The following EPG5 variants were observed in gnomAD, a reference collection of about 807,000 sequenced individuals.
EPG5 encodes the protein ectopic P-granules 5 autophagy tethering factor, also known as ectopic P granules protein 5 homolog.
EPG5 carries 159 observed loss-of-function variants against 302.7 expected under a neutral mutation model. The ratio of observed to expected loss-of-function variants is 0.53; its 90% confidence interval spans 0.46 to 0.60. The LOEUF is 0.60. Ranked by LOEUF, EPG5 falls within the 20% of genes least tolerant of loss-of-function variation. The pLI, the probability that EPG5 is intolerant of heterozygous loss-of-function variation, is 0.00. For missense variants in EPG5, 2,896 were observed against 3,092.4 expected (o/e 0.94, Z 1.51); for synonymous variants, 1,158 against 1,136.8 (o/e 1.02, Z -0.37).
intron 22 of EPG5, among the ~76,000 whole-genome samples, chr18:45,911,110 C>CACATATAT (rs1491456763): frequency 2.3e-4 from 29 of 127,970 alleles, no homozygotes; most frequent in African/African-American, 7.8e-4. Context: ...CACACACACA[C>CACATATAT]ATATATATAT....
intron 11 of EPG5, among the ~76,000 whole-genome samples, chr18:45,932,796 C>G (rs1338369395): frequency 6.6e-6 from 1 of 151,946 alleles, no homozygotes; most frequent in African/African-American, 2.4e-5. Context: ...TGATACAGGC[C>G]CTAAGGGAGA....
intron 24 of EPG5, chr18:45,907,430 G>A (rs1301141679): frequency 2.0e-5 from 3 of 152,196 alleles, no homozygotes; most frequent in African/African-American, 7.2e-5. Context: ...TGAGTGCCTG[G>A]GGGAGAACAG....
At chr18:45,922,648 A>G in intron 15 of EPG5, 48 bp from the exon 16 acceptor site, 1 of 1,596,524 alleles carries the variant, frequency 6.3e-7, no homozygotes, top group Non-Finnish European at 8.5e-7. Flanking sequence ...CACAAATTAA[A>G]TCAGTAAGCT....
At chr18:45,923,616 T>C (rs1346828351) in intron 14 of EPG5, among the ~76,000 whole-genome samples, 1 of 152,044 alleles carries the variant, frequency 6.6e-6, no homozygotes, top group Non-Finnish European at 1.5e-5. Context: ...TAACCCCTAC[T>C]CCAGCCAAAA....
At position 45,964,652 on chromosome 18, in the gene EPG5, CA is replaced by C. The variant is rs529751295; in HGVS notation, c.63+2524del. ...TGGATAGTTCTTTACCAACCCAATA[CA>C]ATGCAAAAGCATTTCTTTTAAAAAT... On this transcript the variant is annotated intron_variant, in intron 1 of 43. Transcript: ENST00000282041. 2.0e-4 allele frequency among the ~76,000 whole-genome samples: 31 copies of C among 152,240 alleles called. No individual in the cohort carries two copies. In the South Asian group the frequency reaches 6.4e-3, roughly 32 times the overall value.
chr18:45,888,994 T>C (rs1028169995), intron 28 of EPG5, among the ~76,000 whole-genome samples: 2 of 152,222 alleles, frequency 1.3e-5, no homozygotes, highest in East Asian at 3.8e-4. Flanking sequence ...AGAATAAAGA[T>C]AGCCCTTCCA....
the EPG5 span, among the ~76,000 whole-genome samples, chr18:45,809,754 C>G: frequency 6.6e-6 from 1 of 152,120 alleles, no homozygotes; most frequent in Non-Finnish European, 1.5e-5. Flanking sequence ...GCCCTAAATG[C>G]CCACATCAAA....
At chr18:45,829,097 C>T in the EPG5 span, 5 of 985,858 alleles carry the variant, frequency 5.1e-6, no homozygotes, top group Non-Finnish European at 6.0e-6. Context: ...AGACAGGCTA[C>T]ATCGGGACTC....
rs752571576 is a variant in EPG5 at position 45,858,620 on chromosome 18, T to C, written c.7172A>G (p.Asn2391Ser). 6.2e-6 allele frequency: 10 copies of C among 1,614,066 alleles called. No homozygotes were observed. The African/African-American group carries it at 1.3e-4, about 22-fold the overall frequency. Residue 2391 changes from asparagine to serine, a missense_variant, in exon 41 of 44, where the codon AAT (asparagine) becomes AGT (serine). Coordinates refer to ENST00000282041, the MANE Select transcript of EPG5 (RefSeq NM_020964.3). The part of the protein sequence containing the change: ...QCLNSEQTLR[N>S]EMKVLLILSK... ...TAAGATGAGCAGCACTTTCATTTCA[T>C]TCCTTAAAGTCTGTTCGCTGTTTAA... is the stretch of plus-strand genomic sequence containing the variant.
intron 8 of EPG5, among the ~76,000 whole-genome samples, 185 bp downstream of exon 8, chr18:45,943,820 C>T (rs1599627637): frequency 1.3e-5 from 2 of 152,006 alleles, no homozygotes; most frequent in East Asian, 3.9e-4. Context: ...ACTCGGGAGG[C>T]TGAGGCAGGA....
At chr18:45,961,858 C>CAAA (rs369369860) in intron 1 of EPG5, among the ~76,000 whole-genome samples, 2 of 98,498 alleles carry the variant, frequency 2.0e-5, no homozygotes, top group African/African-American at 3.5e-5. Flanking sequence ...GACTCTGTCC[C>CAAA]AAAAAAAAAA....
chr18:45,936,659 C>T (rs576155538), intron 10 of EPG5, among the ~76,000 whole-genome samples: 132 of 131,976 alleles, frequency 1.0e-3, no homozygotes, highest in African/African-American at 3.5e-3. Flanking sequence ...ACCTGGGAGG[C>T]GGAGGTTACA....
chr18:45,812,819 A>G, the EPG5 span, among the ~76,000 whole-genome samples: 5 of 152,130 alleles, frequency 3.3e-5, no homozygotes, highest in Admixed American at 6.6e-5. Context: ...AAAAACCCTA[A>G]AAGAAAACCT....
chr18:45,876,452 C>G (rs2048973079), intron 34 of EPG5, 110 bp from the exon 35 acceptor site: 9 of 755,636 alleles, frequency 1.2e-5, no homozygotes, highest in Non-Finnish European at 2.1e-5. Flanking sequence ...TTATGTAGGC[C>G]TGACACACAT....
At chr18:45,959,647 C>A (rs1465594970) in intron 1 of EPG5, among the ~76,000 whole-genome samples, 2 of 144,396 alleles carry the variant, frequency 1.4e-5, no homozygotes, top group African/African-American at 2.6e-5. Context: ...GGCAACAGAG[C>A]GAGACTGTCT....
chr18:45,905,036 C>A (rs1469843006), intron 24 of EPG5, among the ~76,000 whole-genome samples: 1 of 152,036 alleles, frequency 6.6e-6, no homozygotes, highest in Non-Finnish European at 1.5e-5. Flanking sequence ...GGAATTTTTT[C>A]ATAATAACAG....
At chr18:45,940,165 G>A (rs2050630122) in intron 9 of EPG5, among the ~76,000 whole-genome samples, 1 of 152,214 alleles carries the variant, frequency 6.6e-6, no homozygotes, top group Non-Finnish European at 1.5e-5. Flanking sequence ...GTCTCTATGA[G>A]AAGAGTGTCC....
intron 42 of EPG5, among the ~76,000 whole-genome samples, chr18:45,856,005 G>A (rs2048509291): frequency 6.6e-6 from 1 of 152,238 alleles, no homozygotes; most frequent in Admixed American, 6.5e-5. Context: ...TCCTCAACAA[G>A]TGAAGCATAG....
intron 3 of EPG5, among the ~76,000 whole-genome samples, chr18:45,951,815 T>C (rs975821281): frequency 6.6e-6 from 1 of 152,142 alleles, no homozygotes; most frequent in African/African-American, 2.4e-5. Flanking sequence ...CCCCAGTTAA[T>C]TGATTAGTTA....
Sources: allele counts gnomAD v4.1 joint callset (sites outside exome capture counted in the v4.1 genomes callset), GRCh38; gene constraint gnomAD v4.1.1; transcripts MANE v1.5; gene names NCBI Gene and HGNC (gene_info 2026-07-23, HGNC 2026-07-21).